The following AK9 variants were observed in gnomAD, a reference collection of about 807,000 sequenced individuals.
AK9 encodes adenylate kinase domain containing 1.
A neutral mutation model predicts 239.6 loss-of-function variants in AK9; 191 were observed. The observed-to-expected ratio is 0.80, with a 90% CI of 0.71 to 0.90. The LOEUF (loss-of-function observed/expected upper bound fraction) is 0.90, where lower values mean the gene tolerates loss of function less well. Among genes scored for constraint, AK9 ranks in the 40% least tolerant of loss-of-function variants. The probability of loss-of-function intolerance (pLI) is 0.00; values close to 1 mark genes in which losing one functional copy is unlikely to be tolerated. For missense variants in AK9, 1,995 were observed against 2,214.7 expected, an observed-to-expected ratio of 0.90 and a Z score of 1.99; for synonymous variants, 689 against 721.0, an observed-to-expected ratio of 0.96 and a Z score of 0.71.
intron 13 of AK9, 78 bp from the exon 14 acceptor site, chr6:109,614,558 C>T: frequency 8.5e-7 from 1 of 1,181,166 alleles, no homozygotes; most frequent in East Asian, 2.6e-5. Context: ...AAAGCCCCTG[C>T]TTCAAAGTTA....
Position 109,659,157 on chromosome 6 carries a change from T to C in AK9, c.630+71A>G. ...AGCATCTACTATTTCCTATTACCTA[T>C]ACCATCATTTACCTTAATTATAGCA... is the stretch of plus-strand genomic sequence containing the variant. On this transcript the variant is annotated intron_variant, in intron 7 of 40. Coordinates refer to ENST00000424296, the MANE Select transcript of AK9 (RefSeq NM_001145128.3). The C allele has an allele frequency of 2.8e-6, 4 of 1,421,718 alleles. No homozygotes were observed. The South Asian group carries it at 4.8e-5, about 17-fold the overall frequency. The allele number at this position is 1,421,718 out of a possible 1,614,324, so 88.1% of individuals were successfully genotyped here. A position where few individuals can be genotyped will look rare whatever the true frequency, so the allele number is the denominator to read the frequency against.
intron 20 of AK9, 37 bp from the exon 21 acceptor site, chr6:109,573,631 G>C: frequency 1.3e-6 from 2 of 1,515,982 alleles, no homozygotes; most frequent in Non-Finnish European, 1.8e-6. Flanking sequence ...TCATTTGGTT[G>C]AAGTCAACAA....
intron 24 of AK9, among the ~76,000 whole-genome samples, chr6:109,554,525 CTT>C (rs3060760): frequency 0.39 from 30,518 of 77,648 alleles, 3,589 homozygotes; most frequent in South Asian, 0.58. Context: ...TATTTCTTTT[CTT>C]TTTTTTTTTT....
intron 32 of AK9, among the ~76,000 whole-genome samples, chr6:109,512,610 T>C (rs1778867882): frequency 6.6e-6 from 1 of 152,182 alleles, no homozygotes; most frequent in Non-Finnish European, 1.5e-5. Flanking sequence ...TAAAATTCCC[T>C]TATCTCTCTT....
chr6:109,550,036 C>A, intron 25 of AK9, 54 bp downstream of exon 25: 1 of 1,540,592 alleles, frequency 6.5e-7, no homozygotes, highest in Non-Finnish European at 8.9e-7. Context: ...GATTGGTAAT[C>A]AGTCCCAAAA....
At chr6:109,625,680 C>A (rs1020868132) in intron 12 of AK9, among the ~76,000 whole-genome samples, 3 of 152,170 alleles carry the variant, frequency 2.0e-5, no homozygotes, top group Non-Finnish European at 4.4e-5. Context: ...TCCTCCACCC[C>A]CACAACCCAG....
chr6:109,550,607 T>C, intron 24 of AK9: 1 of 201,334 alleles, frequency 5.0e-6, no homozygotes, highest in Non-Finnish European at 9.9e-6. Flanking sequence ...TGCTGGGTCA[T>C]TGTGAGGTCA....
At chr6:109,514,152 G>A (rs915787799) in intron 32 of AK9, 72 bp downstream of exon 32, 5 of 1,369,736 alleles carry the variant, frequency 3.7e-6, no homozygotes, top group Non-Finnish European at 5.0e-6. Flanking sequence ...TTGGTGAATT[G>A]ACCTGCCATG....
chr6:109,667,291 C>CA (rs1206884106), intron 5 of AK9, among the ~76,000 whole-genome samples: 1 of 123,390 alleles, frequency 8.1e-6, no homozygotes, highest in Non-Finnish European at 1.8e-5. Flanking sequence ...CCCAGCCCCC[C>CA]ACTCAAGTTG....
intron 16 of AK9, among the ~76,000 whole-genome samples, chr6:109,611,481 T>C (rs1793574896): frequency 6.6e-6 from 1 of 152,220 alleles, no homozygotes; most frequent in Non-Finnish European, 1.5e-5. Flanking sequence ...GCTAGCAGTG[T>C]GCCCTGCTGA....
chr6:109,546,442 GAT>G (rs1397419479), intron 25 of AK9, among the ~76,000 whole-genome samples: 1 of 152,160 alleles, frequency 6.6e-6, no homozygotes, highest in Non-Finnish European at 1.5e-5. Flanking sequence ...AGAATGGAAA[GAT>G]ACTTTCTTAA....
chr6:109,602,298 G>C (rs1250954533), intron 17 of AK9, among the ~76,000 whole-genome samples: 1 of 152,136 alleles, frequency 6.6e-6, no homozygotes, highest in Non-Finnish European at 1.5e-5. Context: ...GCATTTGCTT[G>C]TCTATAAAGG....
At position 109,642,794 on chromosome 6, in the gene AK9, G is replaced by A. The variant is rs117351871; in HGVS notation, c.835-1178C>T. 4.9e-3 allele frequency among the ~76,000 whole-genome samples: 753 copies of A among 152,284 alleles called. 14 individuals are homozygous for A. Among genetic ancestry groups the A allele is most frequent in the East Asian group, 0.013 (66 of 5,180 alleles). ...AGAAGCACATTGGGGGCAGGGTGGT[G>A]GTGGTGAAGTTCTATCTTGCACACT... is the stretch of plus-strand genomic sequence containing the variant. On this transcript the variant is annotated intron_variant, in intron 9 of 40. Transcript: ENST00000424296.
chr6:109,613,017 A>T (rs1427914191), intron 15 of AK9, among the ~76,000 whole-genome samples: 3 of 149,004 alleles, frequency 2.0e-5, no homozygotes, highest in Non-Finnish European at 4.5e-5. Context: ...ATATATTATA[A>T]ATTGAACGTT....
At chr6:109,688,440 C>T (rs768791781) in intron 1 of AK9, among the ~76,000 whole-genome samples, 32 of 152,168 alleles carry the variant, frequency 2.1e-4, no homozygotes, top group Non-Finnish European at 4.4e-4. Context: ...TCTCATATAC[C>T]ATTGCCTTGG....
At chr6:109,538,461 G>A (rs983374827) in intron 27 of AK9, among the ~76,000 whole-genome samples, 1 of 152,102 alleles carries the variant, frequency 6.6e-6, no homozygotes, top group African/African-American at 2.4e-5. Context: ...TTTCTTGGTA[G>A]ATCTTCCTCC....
chr6:109,519,874 TC>T (rs1046512326), intron 29 of AK9, among the ~76,000 whole-genome samples: 31 of 152,256 alleles, frequency 2.0e-4, no homozygotes, highest in Admixed American at 5.9e-4. Context: ...GAGCATTTGT[TC>T]AGATGTTGGC....
chr6:109,586,189 G>T, intron 17 of AK9, 117 bp from the exon 18 acceptor site: 1 of 877,642 alleles, frequency 1.1e-6, no homozygotes, highest in Non-Finnish European at 1.6e-6. Context: ...CTTTCAAAAG[G>T]AAAAAAAAGG....
chr6:109,662,724 T>C lies in AK9; in HGVS notation c.332-61A>G, dbSNP rs1009749756. On this transcript the variant is annotated intron_variant, in intron 5 of 40. Coordinates refer to ENST00000424296, the MANE Select transcript of AK9 (RefSeq NM_001145128.3). ...AATTATCAACATATGAGGGCATGGA[T>C]TTATTATATTATATATATATTTACT... 5.3e-6 allele frequency: 4 copies of C among 759,026 alleles called. No individual in the cohort carries two copies. The African/African-American group carries it at 5.6e-5, about 11-fold the overall frequency. 47.0% of individuals were successfully genotyped at this position (759,026 alleles called of 1,614,324 possible). A position where few individuals can be genotyped will look rare whatever the true frequency, so the allele number is the denominator to read the frequency against.
Sources: allele counts gnomAD v4.1 joint callset (sites outside exome capture counted in the v4.1 genomes callset), GRCh38; gene constraint gnomAD v4.1.1; transcripts MANE v1.5; gene names NCBI Gene and HGNC (gene_info 2026-07-23, HGNC 2026-07-21).